Variants in GABRR1 observed in about 807,000 individuals in gnomAD.
GABRR1 encodes gamma-aminobutyric acid receptor subunit rho-1.
GABRR1 carries 59 observed loss-of-function variants against 55.5 expected under a neutral mutation model. The ratio of observed to expected loss-of-function variants is 1.06; its 90% confidence interval spans 0.86 to 1.32. The LOEUF is 1.32. Ranked by LOEUF, GABRR1 falls within the 40% of genes most tolerant of loss-of-function variation. The probability of loss-of-function intolerance (pLI) is 0.00; values close to 1 mark genes in which losing one functional copy is unlikely to be tolerated. For missense variants in GABRR1, 602 were observed against 619.1 expected (o/e 0.97, Z 0.29); for synonymous variants, 213 against 226.0 (o/e 0.94, Z 0.51).
At chr6:89,199,089 T>C (rs1393307163) in intron 4 of GABRR1, among the ~76,000 whole-genome samples, 1 of 152,206 alleles carries the variant, frequency 6.6e-6, no homozygotes, top group Non-Finnish European at 1.5e-5. Flanking sequence ...TGGGCCCTGC[T>C]GCTTACATTT....
At chr6:89,208,896 C>T (rs936255940) in intron 1 of GABRR1, among the ~76,000 whole-genome samples, 2 of 152,254 alleles carry the variant, frequency 1.3e-5, no homozygotes, top group African/African-American at 4.8e-5. Flanking sequence ...AGCCAAAGGG[C>T]TGCCAGGGCT....
chr6:89,180,553 G>T, intron 8 of GABRR1, 65 bp from the exon 9 acceptor site: 2 of 1,570,878 alleles, frequency 1.3e-6, no homozygotes, highest in Non-Finnish European at 8.7e-7. Flanking sequence ...ATGGTTTCAT[G>T]TCTCTGCTCA....
intron 1 of GABRR1, among the ~76,000 whole-genome samples, chr6:89,211,541 G>T (rs1349613275): frequency 6.6e-6 from 1 of 151,906 alleles, no homozygotes; most frequent in Admixed American, 6.6e-5. Flanking sequence ...ACCATATCTA[G>T]GGCTCACTTC....
At chr6:89,209,070 G>A (rs57059466) in intron 1 of GABRR1, among the ~76,000 whole-genome samples, 1 of 152,054 alleles carries the variant, frequency 6.6e-6, no homozygotes, top group African/African-American at 2.4e-5. Flanking sequence ...CCTTGCCACA[G>A]AGTAAAAAGA....
chr6:89,208,988 C>A (rs1356731628), intron 1 of GABRR1, among the ~76,000 whole-genome samples: 1 of 152,220 alleles, frequency 6.6e-6, no homozygotes, highest in Non-Finnish European at 1.5e-5. Context: ...TGTCTTCTTG[C>A]CACCATTACT....
chr6:89,230,708 G>A (rs1272363905), intron 1 of GABRR1, among the ~76,000 whole-genome samples: 1 of 151,444 alleles, frequency 6.6e-6, no homozygotes, highest in Admixed American at 6.6e-5. Flanking sequence ...GGTTACTGCT[G>A]TCTTTTTGTT....
upstream of GABRR1, among the ~76,000 whole-genome samples, chr6:89,217,950 T>C (rs1251022091): frequency 6.6e-6 from 1 of 152,188 alleles, no homozygotes; most frequent in Non-Finnish European, 1.5e-5. Context: ...CAAGTAAATT[T>C]CCTTGTCAGT....
intron 1 of GABRR1, among the ~76,000 whole-genome samples, chr6:89,223,986 C>A (rs1237699080): frequency 6.6e-6 from 1 of 151,784 alleles, no homozygotes; most frequent in Non-Finnish European, 1.5e-5. Context: ...TGATCTCGAT[C>A]TCTTGACCTC....
At position 89,180,480 on chromosome 6, in the gene GABRR1, T is replaced by C. The variant is rs1218946055; in HGVS notation, c.958A>G (p.Thr320Ala). Residue 320 changes from threonine to alanine, a missense_variant, in exon 9 of 10, where the codon ACG (threonine) becomes GCG (alanine). Thr to Ala is a moderately conservative substitution (Grantham distance 58). Around this residue, in one of 3 missense-constraint regions of GABRR1, gnomAD observed 435 missense variants for 424.2 expected, o/e 1.03. Coordinates refer to ENST00000454853, the MANE Select transcript of GABRR1 (RefSeq NM_002042.5). The part of the protein sequence containing the change: ...VPARVPLGIT[T>A]VLTMSTIITG... ...ATGATGGTGGACATGGTCAGCACCGTTGTGATACCTGCAAACACAAGAATG... is the reference window on the plus strand; with the variant it reads ...ATGATGGTGGACATGGTCAGCACCGCTGTGATACCTGCAAACACAAGAATG... 3 of 1,612,968 alleles carry C rather than the reference T, an allele frequency of 1.9e-6. No individual in the cohort carries two copies. Among genetic ancestry groups the C allele is most frequent in the Non-Finnish European group, 2.5e-6 (3 of 1,179,638 alleles).
Position 89,181,188 on chromosome 6 carries a change from A to C in GABRR1, c.950-700T>G, listed in dbSNP as rs558487345. Among the ~76,000 whole-genome samples, 11 of 152,364 alleles carry C rather than the reference A, an allele frequency of 7.2e-5. No individual in the cohort carries two copies. In the South Asian group the frequency reaches 2.3e-3, roughly 32 times the overall value. ...GAAATTTGCCCAGGATTTCAAATTA[A>C]GCTCAGAACATTTGTTTGGCAAACA... On this transcript the variant is annotated intron_variant, in intron 8 of 9. Coordinates refer to ENST00000454853, the MANE Select transcript of GABRR1 (RefSeq NM_002042.5).
intron 6 of GABRR1, among the ~76,000 whole-genome samples, chr6:89,188,017 A>AT (rs139520160): frequency 0.035 from 5,056 of 143,974 alleles, 261 homozygotes; most frequent in African/African-American, 0.12. Context: ...TATGTTCTTA[A>AT]TTTTTTTTTT....
chr6:89,186,161 C>T (rs527242957), intron 6 of GABRR1, among the ~76,000 whole-genome samples: 7 of 152,242 alleles, frequency 4.6e-5, no homozygotes, highest in African/African-American at 1.7e-4. Context: ...TAAACAGTTC[C>T]TTCCAGGGGT....
chr6:89,182,290 G>T (rs550498744), intron 7 of GABRR1, among the ~76,000 whole-genome samples: 4 of 152,110 alleles, frequency 2.6e-5, no homozygotes, highest in African/African-American at 9.7e-5. Flanking sequence ...GGAATCCCTT[G>T]AAAAGACCAT....
chr6:89,213,076 A>G (rs1327128890), intron 1 of GABRR1, among the ~76,000 whole-genome samples: 1 of 152,170 alleles, frequency 6.6e-6, no homozygotes, highest in African/African-American at 2.4e-5. Context: ...TGTGCCTCCC[A>G]TGGAGATTCT....
chr6:89,178,552 C>A lies in GABRR1; in HGVS notation c.*218G>T, dbSNP rs1319937761. On this transcript the variant is annotated 3_prime_UTR_variant, in exon 10 of 10. Coordinates refer to ENST00000454853, the MANE Select transcript of GABRR1 (RefSeq NM_002042.5). ...CTACAGTGTCGTATTTCCTGCAGCA[C>A]CTAATATAATGCTGTGTATTCAATA... 1.1e-5 allele frequency: 6 copies of A among 566,562 alleles called. No individual in the cohort carries two copies. The highest frequency in any genetic ancestry group is 4.2e-5 in the South Asian group (2 of 47,810). The allele number at this position is 566,562 out of a possible 1,614,324, so 35.1% of individuals were successfully genotyped here.
At chr6:89,204,519 C>T (rs1772582525) in intron 1 of GABRR1, 3 of 617,532 alleles carry the variant, frequency 4.9e-6, no homozygotes, top group East Asian at 7.5e-5. Context: ...CAGCCCCCTA[C>T]ATGGGCACCT....
intron 5 of GABRR1, among the ~76,000 whole-genome samples, chr6:89,196,760 G>C (rs1772285283): frequency 6.9e-6 from 1 of 145,282 alleles, no homozygotes; most frequent in African/African-American, 2.6e-5. Flanking sequence ...CTGGGCAATA[G>C]AGCAAAACTC....
chr6:89,225,534 G>C (rs28815309), intron 1 of GABRR1, among the ~76,000 whole-genome samples: 1 of 124,922 alleles, frequency 8.0e-6, no homozygotes, highest in South Asian at 2.6e-4. Flanking sequence ...TTGTTCTTGC[G>C]ATAGTTTACT....
chr6:89,206,305 T>C (rs1181968443), intron 1 of GABRR1, among the ~76,000 whole-genome samples: 1 of 152,150 alleles, frequency 6.6e-6, no homozygotes, highest in Non-Finnish European at 1.5e-5. Context: ...ATAAGGCCCA[T>C]AATAAGGCTC....
Sources: allele counts gnomAD v4.1 joint callset (sites outside exome capture counted in the v4.1 genomes callset), GRCh38; gene constraint gnomAD v4.1.1; regional missense constraint gnomAD v4.1.1; transcripts MANE v1.5; gene names NCBI Gene and HGNC (gene_info 2026-07-23, HGNC 2026-07-21).